Variants in REV3L observed in about 807,000 individuals in gnomAD.
The protein encoded by REV3L is REV3 like, DNA directed polymerase zeta catalytic subunit.
In REV3L, 69 loss-of-function variants were observed where a neutral mutation model predicts 299.4. That is an observed-to-expected ratio of 0.23 (90% CI 0.19 to 0.28). The LOEUF (loss-of-function observed/expected upper bound fraction) is 0.28. Ranked by LOEUF, REV3L falls within the 10% of genes least tolerant of loss-of-function variation. The probability of loss-of-function intolerance (pLI) is 1.00; values close to 1 mark genes in which losing one functional copy is unlikely to be tolerated. For synonymous variants in REV3L, 1,238 were observed against 1,271.4 expected (o/e 0.97, Z 0.56); for missense variants, 3,128 against 3,693.8 (o/e 0.85, Z 3.97).
chr6:111,342,667 C>A (rs1018639172), intron 21 of REV3L, among the ~76,000 whole-genome samples: 322 of 122,582 alleles, frequency 2.6e-3, no homozygotes, highest in Middle Eastern at 4.1e-3. Context: ...GACTCTGTCT[C>A]AAAAAAAAAA....
At position 111,373,242 on chromosome 6, in the gene REV3L, C is replaced by T. The variant is rs759082145; in HGVS notation, c.5113G>A (p.Asp1705Asn). 2 of 1,613,904 alleles carry T rather than the reference C, an allele frequency of 1.2e-6. No homozygotes were observed. Among genetic ancestry groups the T allele is most frequent in the South Asian group, 2.2e-5 (2 of 91,078 alleles). ...EFLSHDNQKC[D>N]EDKHHTTDSA... ...TCTGTGGTATGATGCTTGTCTTCAT[C>T]ACATTTCTGGTTGTCATGACTTAAA... The change falls in exon 13 of 32, where the codon GAT (aspartate) becomes AAT (asparagine). Residue 1705 changes from aspartate to asparagine, a missense_variant. Coordinates refer to ENST00000368802, the MANE Select transcript of REV3L (RefSeq NM_001372078.1).
At chr6:111,434,887 T>C (rs898742350) in intron 1 of REV3L, among the ~76,000 whole-genome samples, 8 of 152,104 alleles carry the variant, frequency 5.3e-5, no homozygotes. Context: ...TCCATGCTCA[T>C]GGATTAGAAG....
chr6:111,415,944 C>G (rs557923998), intron 2 of REV3L, among the ~76,000 whole-genome samples: 1 of 152,218 alleles, frequency 6.6e-6, no homozygotes, highest in South Asian at 2.1e-4. Context: ...GGGCAGGGCT[C>G]TTTGTTTTGT....
chr6:111,426,820 A>G (rs1223642947), intron 1 of REV3L, among the ~76,000 whole-genome samples: 1 of 152,246 alleles, frequency 6.6e-6, no homozygotes, highest in Non-Finnish European at 1.5e-5. Context: ...TAAAAAGCTC[A>G]GTCTTAAAAA....
At chr6:111,304,927 AT>A (rs1772100958) in intron 31 of REV3L, among the ~76,000 whole-genome samples, 1 of 148,168 alleles carries the variant, frequency 6.7e-6, no homozygotes, top group African/African-American at 2.5e-5. Flanking sequence ...AAAGGACATG[AT>A]TTTGTTCTTT....
intron 1 of REV3L, among the ~76,000 whole-genome samples, chr6:111,448,536 G>A (rs773775750): frequency 5.9e-5 from 9 of 151,978 alleles, no homozygotes; most frequent in Non-Finnish European, 1.2e-4. Context: ...TGTTGCCCAG[G>A]CTGGTCTTGA....
chr6:111,409,044 A>G (rs1302837589), intron 3 of REV3L, among the ~76,000 whole-genome samples: 1 of 152,216 alleles, frequency 6.6e-6, no homozygotes, highest in East Asian at 1.9e-4. Flanking sequence ...GTTTTAAACT[A>G]TATTTTTCAA....
chr6:111,311,181 T>A lies in REV3L; in HGVS notation c.8683A>T (p.Met2895Leu), dbSNP rs774939647. Residue 2895 changes from methionine to leucine, a missense_variant, in exon 29 of 32, where the codon ATG becomes TTG. Transcript: ENST00000368802. ...CTGGCCTTTCCTTCCAGAAGCTTCA[T>A]ACATTGTCGCTGAACATACTGTTTA... ...LIKQYVQRQC[M>L]KLLEGKASIQ... is the part of the protein sequence containing the mutation. 6.2e-7 allele frequency: 1 copy of A among 1,614,098 alleles called. No homozygotes were observed. Among genetic ancestry groups the A allele is most frequent in the Non-Finnish European group, 8.5e-7 (1 of 1,179,964 alleles).
chr6:111,376,317 T>C lies in REV3L; in HGVS notation c.2038A>G (p.Asn680Asp), dbSNP rs1330973706. ...TRQVPSRKYT[N>D]IRKIEKDSPF... Reference sequence around the variant, plus strand: ...GAATCCTTTTCGATTTTTCTAATGTTTGTATATTTTCTACTTGGTACTTGT... The same window carrying C: ...GAATCCTTTTCGATTTTTCTAATGTCTGTATATTTTCTACTTGGTACTTGT... Residue 680 changes from asparagine (N) to aspartate (D), a missense_variant, in exon 13 of 32, where the codon AAC (asparagine) becomes GAC (aspartate). Physicochemically the swap from Asn to Asp is conservative, Grantham distance 23. Coordinates refer to ENST00000368802, the MANE Select transcript of REV3L (RefSeq NM_001372078.1). 6.2e-7 allele frequency: 1 copy of C among 1,613,384 alleles called. No homozygotes were observed. The highest frequency in any genetic ancestry group is 2.2e-5 in the East Asian group (1 of 44,864).
chr6:111,407,903 T>C (rs549167135), intron 3 of REV3L, among the ~76,000 whole-genome samples: 1 of 152,056 alleles, frequency 6.6e-6, no homozygotes, highest in Admixed American at 6.6e-5. Flanking sequence ...GCCATTGACC[T>C]CCAGCCTGAG....
chr6:111,483,547 GC>G (rs1218443418), upstream of REV3L: 2 of 496,810 alleles, frequency 4.0e-6, no homozygotes, highest in South Asian at 1.6e-5. Flanking sequence ...AGTGTTCGGG[GC>G]CGTTTTGGCG....
rs764838172 is a variant in REV3L at position 111,375,815 on chromosome 6, C to A, written c.2540G>T (p.Ser847Ile). The A allele has an allele frequency of 1.2e-6, 2 of 1,613,496 alleles. No homozygotes were observed. The highest frequency in any genetic ancestry group is 1.7e-6 in the Non-Finnish European group (2 of 1,179,758). Residue 847 changes from serine to isoleucine, a missense_variant, in exon 13 of 32, where the codon AGT (serine) becomes ATT (isoleucine). Ser to Ile is a moderately radical substitution (Grantham distance 142). Transcript: ENST00000368802. ...LAGHQETSTK[S>I]SETGSTKDNF... ...ATCTTTTGTGGATCCAGTCTCACTA[C>A]TTTTGGTAGAAGTCTCCTGATGACC...
At chr6:111,399,381 A>C (rs910964009) in intron 4 of REV3L, among the ~76,000 whole-genome samples, 2 of 152,158 alleles carry the variant, frequency 1.3e-5, no homozygotes, top group Non-Finnish European at 1.5e-5. Flanking sequence ...TTGTTATCAT[A>C]TTATCATGGT....
chr6:111,364,005 A>G (rs760540006), intron 15 of REV3L, 27 bp from the exon 16 acceptor site: 1 of 1,579,950 alleles, frequency 6.3e-7, no homozygotes, highest in East Asian at 2.3e-5. Context: ...ACACACACAC[A>G]GCCAGAAAAA....
Position 111,482,784 on chromosome 6 carries a change from C to G in REV3L, c.105G>C (p.Val35=). 3 of 1,484,838 alleles carry G rather than the reference C, an allele frequency of 2.0e-6. No homozygotes were observed. Among genetic ancestry groups the G allele is most frequent in the Non-Finnish European group, 1.8e-6 (2 of 1,116,170 alleles). 92.0% of individuals were successfully genotyped at this position (1,484,838 alleles called of 1,614,324 possible). Residue 35 remains valine (V), a synonymous_variant, in exon 1 of 32, where the codon GTG becomes GTC. Transcript: ENST00000368802. ...TCGCTCCGAAGACTCGCACCACCGG[C>G]ACCTTCTTGACAGGGGCCTGGGTGA... ...SPLTQAPVKK[V]PVVRVFGATP...
At chr6:111,476,820 A>G (rs1450205506) in intron 1 of REV3L, among the ~76,000 whole-genome samples, 2 of 152,204 alleles carry the variant, frequency 1.3e-5, no homozygotes, top group Non-Finnish European at 2.9e-5. Flanking sequence ...TCATCATGCA[A>G]TCATGCATTT....
chr6:111,447,975 A>T (rs1183606233), intron 1 of REV3L, among the ~76,000 whole-genome samples: 1 of 152,168 alleles, frequency 6.6e-6, no homozygotes, highest in Non-Finnish European at 1.5e-5. Context: ...TTACTTTAAA[A>T]TTTTTTTAAT....
At chr6:111,337,495 T>C (rs956537347) in intron 21 of REV3L, among the ~76,000 whole-genome samples, 9 of 152,314 alleles carry the variant, frequency 5.9e-5, no homozygotes, top group Admixed American at 2.6e-4. Flanking sequence ...ATGATGAACA[T>C]TTTTAAAGCT....
At chr6:111,413,148 T>C (rs914592382) in intron 2 of REV3L, among the ~76,000 whole-genome samples, 17 of 152,172 alleles carry the variant, frequency 1.1e-4, no homozygotes, top group Non-Finnish European at 8.8e-5. Flanking sequence ...TCTCTCTCAT[T>C]GGCAAATTCA....
Sources: gnomAD v4.1 joint callset for allele counts (sites outside exome capture counted in the v4.1 genomes callset) on GRCh38, gnomAD v4.1.1 for gene constraint, MANE v1.5 for transcripts, NCBI Gene and HGNC (gene_info 2026-07-23, HGNC 2026-07-21) for gene names.